CDC7: variants seen among roughly 807,000 people sequenced by gnomAD.
CDC7 encodes the protein cell division cycle 7, also known as cell division cycle 7-related protein kinase.
In CDC7, 34 loss-of-function variants were observed where a neutral mutation model predicts 53.5. The ratio of observed to expected loss-of-function variants is 0.64; its 90% confidence interval spans 0.48 to 0.85. CDC7 has a LOEUF of 0.85. CDC7 is among the 40% of genes least tolerant of loss of function. CDC7 has a pLI of 0.00. For missense variants in CDC7, 594 were observed against 679.7 expected, an observed-to-expected ratio of 0.87 and a Z score of 1.40; for synonymous variants, 211 against 222.8, an observed-to-expected ratio of 0.95 and a Z score of 0.47.
At chr1:91,520,035 G>A in intron 10 of CDC7, 95 bp from the exon 11 acceptor site, 1 of 995,022 alleles carries the variant, frequency 1.0e-6, no homozygotes, top group Non-Finnish European at 1.4e-6. Context: ...GGCTCCCAAG[G>A]TGATTCTAAT....
intron 10 of CDC7, among the ~76,000 whole-genome samples, chr1:91,518,230 G>A (rs1365277412): frequency 1.3e-5 from 2 of 148,680 alleles, no homozygotes; most frequent in Admixed American, 6.7e-5. Context: ...TTAACATCAA[G>A]TTGAGCTAGT....
intron 10 of CDC7, among the ~76,000 whole-genome samples, chr1:91,517,275 T>G (rs1667610203): frequency 6.6e-6 from 1 of 151,914 alleles, no homozygotes; most frequent in Non-Finnish European, 1.5e-5. Context: ...TTTTGGAGAG[T>G]GGTGGCATGA....
chr1:91,505,236 T>C (rs1312189835), intron 2 of CDC7, among the ~76,000 whole-genome samples: 2 of 152,062 alleles, frequency 1.3e-5, no homozygotes, highest in African/African-American at 4.8e-5. Context: ...CATTCAAGAA[T>C]AGCAAGGAGG....
Position 91,525,324 on chromosome 1 carries a change from T to C in CDC7, c.*889T>C, listed in dbSNP as rs538488174. 3.9e-5 allele frequency: 6 copies of C among 152,144 alleles called. No individual in the cohort carries two copies. The highest frequency in any genetic ancestry group is 2.0e-4 in the Admixed American group (3 of 15,274). 9.4% of individuals were successfully genotyped at this position (152,144 alleles called of 1,614,324 possible). On this transcript the variant is annotated 3_prime_UTR_variant, in exon 12 of 12. Transcript: ENST00000234626. Reference sequence around the variant, plus strand: ...GGTAGCTGCTGAAAGGAAAAGTGAATACAGAATTGACGGTATTATTGGAGA... The same window carrying C: ...GGTAGCTGCTGAAAGGAAAAGTGAACACAGAATTGACGGTATTATTGGAGA...
chr1:91,518,116 A>AAAAG (rs1667675147), intron 10 of CDC7, among the ~76,000 whole-genome samples: 1 of 149,158 alleles, frequency 6.7e-6, no homozygotes, highest in Non-Finnish European at 1.5e-5. Context: ...AAAAAAAAAA[A>AAAAG]GGTGATACAG....
chr1:91,513,368 A>C, intron 7 of CDC7, 61 bp downstream of exon 7: 3 of 1,468,916 alleles, frequency 2.0e-6, no homozygotes, highest in Non-Finnish European at 2.8e-6. Flanking sequence ...CCTTCAACCA[A>C]CAGAGGGAGA....
intron 4 of CDC7, among the ~76,000 whole-genome samples, chr1:91,510,090 C>T (rs1479568127): frequency 2.0e-5 from 3 of 152,124 alleles, no homozygotes; most frequent in African/African-American, 7.2e-5. Flanking sequence ...TGGCACACAT[C>T]TGTAGTCCCA....
chr1:91,506,290 GCCCCAGGCCACA>G (rs1666984703), intron 2 of CDC7, among the ~76,000 whole-genome samples: 1 of 151,840 alleles, frequency 6.6e-6, no homozygotes, highest in Non-Finnish European at 1.5e-5. Context: ...CTGAGCCACC[GCCCCAGGCCACA>G]TTGTATTTCA....
chr1:91,524,221 C>G lies in CDC7; in HGVS notation c.1511C>G (p.Pro504Arg), dbSNP rs764133284. 2.5e-6 allele frequency: 4 copies of G among 1,613,800 alleles called. No individual in the cohort carries two copies. The African/African-American group carries it at 5.3e-5, about 22-fold the overall frequency. The change falls in exon 12 of 12, where the codon CCT becomes CGT. Residue 504 changes from proline (P) to arginine (R), a missense_variant. Pro to Arg is a moderately radical substitution (Grantham distance 103). Coordinates refer to ENST00000234626, the MANE Select transcript of CDC7 (RefSeq NM_003503.4). ...AAAGCTTCTTGCCTCGTTCAAACACCTCCAGGACAATACTCAGGGAATTCA... is the reference window on the plus strand; with the variant it reads ...AAAGCTTCTTGCCTCGTTCAAACACGTCCAGGACAATACTCAGGGAATTCA... ...DHKASCLVQT[P>R]PGQYSGNSFK...
chr1:91,515,241 G>A (rs1667497070), intron 9 of CDC7, among the ~76,000 whole-genome samples: 1 of 152,172 alleles, frequency 6.6e-6, no homozygotes, highest in African/African-American at 2.4e-5. Flanking sequence ...GGACGGGGTG[G>A]CTTTTAGAAG....
intron 7 of CDC7, among the ~76,000 whole-genome samples, chr1:91,513,667 C>T (rs771748949): frequency 1.3e-5 from 2 of 152,170 alleles, no homozygotes; most frequent in Non-Finnish European, 2.9e-5. Context: ...AAGTGTCTAT[C>T]TCCATTTTAG....
chr1:91,522,674 A>C (rs539048), intron 11 of CDC7, among the ~76,000 whole-genome samples: 8,628 of 152,238 alleles, frequency 0.057, 810 homozygotes, highest in African/African-American at 0.19. Flanking sequence ...AACTATATGA[A>C]TATTCCCCCC....
At chr1:91,514,323 G>A (rs995917909) in intron 8 of CDC7, among the ~76,000 whole-genome samples, 2 of 152,080 alleles carry the variant, frequency 1.3e-5, no homozygotes, top group Admixed American at 1.3e-4. Flanking sequence ...GCTAGAGTGT[G>A]AGCTCCATAC....
intron 10 of CDC7, among the ~76,000 whole-genome samples, chr1:91,518,416 A>G (rs1362083244): frequency 6.6e-6 from 1 of 152,198 alleles, no homozygotes; most frequent in East Asian, 1.9e-4. Flanking sequence ...AAATCAATGT[A>G]CCGAAGAGGT....
intron 2 of CDC7, among the ~76,000 whole-genome samples, chr1:91,503,345 T>C (rs1666805220): frequency 6.6e-6 from 1 of 152,224 alleles, no homozygotes; most frequent in Non-Finnish European, 1.5e-5. Flanking sequence ...TAAAGTTATA[T>C]AAACATAACT....
At chr1:91,501,946 C>T (rs890572526) in intron 2 of CDC7, 115 bp downstream of exon 2, 12 of 784,580 alleles carry the variant, frequency 1.5e-5, no homozygotes, top group Admixed American at 1.4e-4. Flanking sequence ...TTGTATGTTT[C>T]TATAGGACAG....
rs770280949 is a variant in CDC7, at chr1:91,524,146, T to C, written c.1436T>C (p.Ile479Thr). Residue 479 changes from isoleucine (I) to threonine (T), a missense_variant, in exon 12 of 12, where the codon ATA becomes ACA. Ile to Thr is a moderately conservative substitution (Grantham distance 89). Transcript: ENST00000234626. ...DSSTPKLTSD[I>T]QGHASHQPAI... ...AGCACTCCCAAGTTAACAAGTGATA[T>C]ACAAGGGCATGCTTCTCATCAACCA... 2.5e-6 allele frequency: 4 copies of C among 1,614,086 alleles called. No individual in the cohort carries two copies. Among genetic ancestry groups the C allele is most frequent in the Non-Finnish European group, 3.4e-6 (4 of 1,179,964 alleles).
At chr1:91,520,072 T>C in intron 10 of CDC7, 58 bp from the exon 11 acceptor site, 6 of 1,370,456 alleles carry the variant, frequency 4.4e-6, no homozygotes, top group Non-Finnish European at 5.9e-6. Flanking sequence ...GGACTATTGA[T>C]TTAGATGATA....
chr1:91,516,199 TG>T (rs1334111552), intron 10 of CDC7, among the ~76,000 whole-genome samples: 1 of 151,988 alleles, frequency 6.6e-6, no homozygotes, highest in Non-Finnish European at 1.5e-5. Flanking sequence ...ATCACCTTTG[TG>T]GGGGAAAAAA....
Sources: allele counts gnomAD v4.1 joint callset (sites outside exome capture counted in the v4.1 genomes callset), GRCh38; gene constraint gnomAD v4.1.1; transcripts MANE v1.5; gene names NCBI Gene and HGNC (gene_info 2026-07-23, HGNC 2026-07-21).